KCNMA1: variants seen among roughly 807,000 people sequenced by gnomAD.
The protein encoded by KCNMA1 is potassium calcium-activated channel subfamily M alpha 1, also known as Calcium-activated potassium channel subunit alpha-1.
In KCNMA1, 29 loss-of-function variants were observed where a neutral mutation model predicts 140.0. The ratio of observed to expected loss-of-function variants is 0.21; its 90% CI spans 0.15 to 0.28. KCNMA1 has a LOEUF of 0.28. Ranked by LOEUF, KCNMA1 falls within the 10% of genes least tolerant of loss-of-function variation. The pLI is 1.00. For synonymous variants in KCNMA1, 612 were observed against 611.9 expected (o/e 1.00, Z 0.00); for missense variants, 880 against 1,602.2 (o/e 0.55, Z 7.70).
intron 2 of KCNMA1, among the ~76,000 whole-genome samples, chr10:77,323,201 A>G (rs1016894210): frequency 6.6e-6 from 1 of 152,222 alleles, no homozygotes; most frequent in Admixed American, 6.6e-5. Flanking sequence ...AGCTCAGCAG[A>G]ATACAGGGCT....
chr10:77,635,134 T>C (rs1240583415), intron 1 of KCNMA1: 2 of 152,252 alleles, frequency 1.3e-5, no homozygotes, highest in Non-Finnish European at 1.5e-5. Flanking sequence ...TATTTACGAA[T>C]TGTTTTTTCT....
At chr10:77,268,060 T>G (rs750198872) in intron 2 of KCNMA1, among the ~76,000 whole-genome samples, 1 of 152,178 alleles carries the variant, frequency 6.6e-6, no homozygotes, top group African/African-American at 2.4e-5. Context: ...TCCTTTCCAC[T>G]CTCACAAGTG....
chr10:77,412,285 C>T (rs141364247), intron 1 of KCNMA1, among the ~76,000 whole-genome samples: 192 of 152,318 alleles, frequency 1.3e-3, no homozygotes, highest in African/African-American at 4.1e-3. Context: ...CATCAGAAGG[C>T]CATTTCCCCT....
intron 23 of KCNMA1, among the ~76,000 whole-genome samples, chr10:76,938,604 C>A (rs535424796): frequency 7.2e-5 from 11 of 152,288 alleles, no homozygotes; most frequent in African/African-American, 9.6e-5. Context: ...TTCTGTAGCT[C>A]CCCAGTGCCT....
At chr10:77,057,407 A>G (rs1043028919) in intron 14 of KCNMA1, among the ~76,000 whole-genome samples, 6 of 152,216 alleles carry the variant, frequency 3.9e-5, no homozygotes, top group Non-Finnish European at 7.4e-5. Flanking sequence ...AACTGCTAAC[A>G]TAAGTTGGAC....
chr10:77,471,461 CCA>C (rs1176293853), intron 1 of KCNMA1, among the ~76,000 whole-genome samples: 1 of 151,304 alleles, frequency 6.6e-6, no homozygotes, highest in Non-Finnish European at 1.5e-5. Context: ...ACACCATGCA[CCA>C]CACACGTAAC....
chr10:77,548,139 G>A (rs770856063), intron 1 of KCNMA1, among the ~76,000 whole-genome samples: 2 of 151,816 alleles, frequency 1.3e-5, no homozygotes, highest in Non-Finnish European at 2.9e-5. Context: ...GGAAAAGGAT[G>A]AAAAAAAATG....
In KCNMA1 at chr10:76,885,100, T is replaced by C. The variant is rs1320161091; in HGVS notation, c.*2166A>G. ...CCTGTTGAGCACTTTAACTGGCACA[T>C]TCTTATAGTTATAAATGTTCTGAGG... On this transcript the variant is annotated 3_prime_UTR_variant, in exon 28 of 28. Transcript: ENST00000286628. 1 of 1,526,454 alleles carries C rather than the reference T, an allele frequency of 6.6e-7. No homozygotes were observed. The highest frequency in any genetic ancestry group is 8.8e-7 in the Non-Finnish European group (1 of 1,135,850). 94.6% of individuals were successfully genotyped at this position (1,526,454 alleles called of 1,614,324 possible).
At chr10:77,534,281 G>A (rs969563481) in intron 1 of KCNMA1, among the ~76,000 whole-genome samples, 4 of 152,180 alleles carry the variant, frequency 2.6e-5, no homozygotes, top group African/African-American at 9.7e-5. Context: ...GCCATACCAA[G>A]TAGAATGTAG....
intron 1 of KCNMA1, chr10:77,587,277 G>C (rs1016911517): frequency 1.3e-5 from 2 of 152,102 alleles, no homozygotes; most frequent in African/African-American, 4.8e-5. Context: ...ACGCCCTGAA[G>C]AAGGCAAGAA....
chr10:77,631,244 G>A (rs1261625792), intron 1 of KCNMA1, among the ~76,000 whole-genome samples: 1 of 151,910 alleles, frequency 6.6e-6, no homozygotes, highest in African/African-American at 2.4e-5. Context: ...CCTTGCCTCC[G>A]AGGGTCCCTG....
At chr10:76,920,006 GTGTGTGTGTGTGTGTA>G (rs1221842728) in intron 23 of KCNMA1, among the ~76,000 whole-genome samples, 6 of 58,142 alleles carry the variant, frequency 1.0e-4, no homozygotes, top group African/African-American at 6.1e-4. Flanking sequence ...GTGTGTGTGT[GTGTGTGTGTGTGTGTA>G]TATATATATA....
At chr10:77,326,513 G>A (rs547375287) in intron 2 of KCNMA1, among the ~76,000 whole-genome samples, 141 of 139,612 alleles carry the variant, frequency 1.0e-3, no homozygotes, top group African/African-American at 2.8e-3. Context: ...TGGTGAGGAC[G>A]AGCGTGGTGG....
intron 1 of KCNMA1, among the ~76,000 whole-genome samples, chr10:77,476,517 A>G (rs1387280956): frequency 6.6e-6 from 1 of 152,128 alleles, no homozygotes; most frequent in Non-Finnish European, 1.5e-5. Flanking sequence ...TAGCACAGGG[A>G]TCCCTCTCTT....
At chr10:77,035,042 G>C (rs557905596) in intron 15 of KCNMA1, among the ~76,000 whole-genome samples, 52 of 151,968 alleles carry the variant, frequency 3.4e-4, no homozygotes, top group Non-Finnish European at 4.4e-4. Context: ...GTGCACCCTC[G>C]CTTTCGCAAG....
At position 77,001,574 on chromosome 10, in the gene KCNMA1, A is replaced by C. The variant is rs1428586501; in HGVS notation, c.2099T>G (p.Met700Arg). Residue 700 changes from methionine to arginine, a missense_variant, in exon 19 of 28, where the codon ATG becomes AGG. Physicochemically the swap from Met to Arg is moderately conservative, Grantham distance 91. Coordinates refer to ENST00000286628, the MANE Select transcript of KCNMA1 (RefSeq NM_001161352.2). ...CCGTCTCATTCTCTTGTAGATGGAC[A>C]TCTTGGCTATAACCGTGTGGTTGGA... ...IKKCGCKRPK[M>R]SIYKRMRRAC... The C allele has an allele frequency of 6.4e-7, 1 of 1,551,354 alleles. No homozygotes were observed. Among genetic ancestry groups the C allele is most frequent in the Admixed American group, 2.0e-5 (1 of 50,984 alleles).
At chr10:77,271,397 G>A (rs1231564191) in intron 2 of KCNMA1, among the ~76,000 whole-genome samples, 1 of 152,164 alleles carries the variant, frequency 6.6e-6, no homozygotes, top group African/African-American at 2.4e-5. Flanking sequence ...TGTCCTGAGT[G>A]ACATGGGTGC....
chr10:77,073,504 G>A (rs2096281208), intron 13 of KCNMA1, among the ~76,000 whole-genome samples: 1 of 152,116 alleles, frequency 6.6e-6, no homozygotes, highest in African/African-American at 2.4e-5. Flanking sequence ...GCCAAATAGA[G>A]CCCAGAGGGA....
At chr10:76,946,482 T>A (rs1184232141) in intron 22 of KCNMA1, among the ~76,000 whole-genome samples, 2 of 152,246 alleles carry the variant, frequency 1.3e-5, no homozygotes, top group African/African-American at 4.8e-5. Flanking sequence ...GGAGCCTATC[T>A]ACCCTCTTTT....
Sources: gnomAD v4.1 joint callset for allele counts (sites outside exome capture counted in the v4.1 genomes callset) on GRCh38, gnomAD v4.1.1 for gene constraint, MANE v1.5 for transcripts, NCBI Gene and HGNC (gene_info 2026-07-23, HGNC 2026-07-21) for gene names.